Variants in POU2F2 observed in about 807,000 individuals in gnomAD.
POU2F2 encodes POU class 2 homeobox 2.
POU2F2 carries 14 observed loss-of-function variants against 63.5 expected under a neutral mutation model. The observed-to-expected ratio is 0.22, with a 90% CI of 0.15 to 0.34. POU2F2 has a LOEUF of 0.34. POU2F2 is among the 10% of genes least tolerant of loss of function. The pLI, the probability that POU2F2 is intolerant of heterozygous loss-of-function variation, is 1.00. For synonymous variants in POU2F2, 306 were observed against 348.6 expected, an observed-to-expected ratio of 0.88 and a Z score of 1.36; for missense variants, 607 against 815.2, an observed-to-expected ratio of 0.74 and a Z score of 3.11.
At chr19:42,123,396 C>T (rs1421883520) in intron 1 of POU2F2, among the ~76,000 whole-genome samples, 1 of 152,176 alleles carries the variant, frequency 6.6e-6, no homozygotes, top group Non-Finnish European at 1.5e-5. Flanking sequence ...GCAGCAAGCA[C>T]ATAAACCCAC....
chr19:42,161,352 C>T (rs542022442), intron 1 of POU2F2, among the ~76,000 whole-genome samples: 2 of 152,190 alleles, frequency 1.3e-5, no homozygotes, highest in East Asian at 1.9e-4. Flanking sequence ...GCCAGGGCTT[C>T]GTCAGAGAGG....
At chr19:42,109,166 G>A (rs749828305) in intron 5 of POU2F2, among the ~76,000 whole-genome samples, 2 of 152,212 alleles carry the variant, frequency 1.3e-5, no homozygotes, top group African/African-American at 2.4e-5. Context: ...GTGAACTTGA[G>A]GAGTTCACTG....
chr19:42,112,318 G>A (rs975373628), intron 5 of POU2F2, among the ~76,000 whole-genome samples: 2 of 152,206 alleles, frequency 1.3e-5, no homozygotes, highest in African/African-American at 4.8e-5. Flanking sequence ...GGCTGACCTT[G>A]CCTTCTCTGG....
chr19:42,109,302 G>A (rs948552031), intron 5 of POU2F2, among the ~76,000 whole-genome samples: 4 of 152,158 alleles, frequency 2.6e-5, no homozygotes, highest in Non-Finnish European at 5.9e-5. Flanking sequence ...CACAATCTCT[G>A]GCAGCCACCA....
chr19:42,114,582 GC>G (rs1478095562), intron 5 of POU2F2, among the ~76,000 whole-genome samples: 1 of 152,204 alleles, frequency 6.6e-6, no homozygotes, highest in African/African-American at 2.4e-5. Context: ...GTCTCTGGTG[GC>G]CGGGGTGGGA....
At chr19:42,098,412 CAA>C (rs1218709430) in intron 7 of POU2F2, among the ~76,000 whole-genome samples, 5 of 56,330 alleles carry the variant, frequency 8.9e-5, no homozygotes, top group Admixed American at 2.0e-4. Flanking sequence ...GACTCCATCT[CAA>C]AAAAAAAAAA....
At chr19:42,166,376 G>A (rs1167152315) in intron 1 of POU2F2, among the ~76,000 whole-genome samples, 1 of 151,942 alleles carries the variant, frequency 6.6e-6, no homozygotes, top group Non-Finnish European at 1.5e-5. Flanking sequence ...AAAGCACCTT[G>A]CACAATGCCT....
At position 42,092,281 on chromosome 19, in the gene POU2F2, GAGAC is replaced by G; in HGVS notation, c.1265-15_1265-12del. 6.5e-7 allele frequency: 1 copy of G among 1,538,972 alleles called. No homozygotes were observed. The highest frequency in any genetic ancestry group is 1.4e-5 in the African/African-American group (1 of 73,056). On this transcript the variant is annotated splice_polypyrimidine_tract_variant and intron_variant, in intron 12 of 14. Transcript: ENST00000692977. The surrounding 1 kb of genome is among the most constrained non-coding windows in gnomAD (Gnocchi z 5.0). ...AGGATAAGGTAGTAACTGCCAGAGA[GAGAC>G]AGAAAGATGGGGTCTTCAGCTTCCA...
intron 5 of POU2F2, among the ~76,000 whole-genome samples, chr19:42,107,000 T>C (rs2030189369): frequency 2.0e-5 from 3 of 151,710 alleles, no homozygotes; most frequent in African/African-American, 7.3e-5. Context: ...CACTGCAGCC[T>C]AGGCAACAAA....
chr19:42,134,102 G>A (rs2033933648), upstream of POU2F2, among the ~76,000 whole-genome samples: 1 of 152,090 alleles, frequency 6.6e-6, no homozygotes, highest in South Asian at 2.1e-4. Context: ...CCCGACAGCA[G>A]CCTGGTAGCA....
At position 42,095,346 on chromosome 19, in the gene POU2F2, G is replaced by C; in HGVS notation, c.1137C>G (p.Pro379=). 1 of 1,613,984 alleles carries C rather than the reference G, an allele frequency of 6.2e-7. No homozygotes were observed. The highest frequency in any genetic ancestry group is 1.7e-5 in the Admixed American group (1 of 60,016). ...NRRQKEKRIN[P]CSAAPMLPSP... ...TGGGCAGCATGGGGGCCGCACTGCA[G>C]GGGTTGATGCGTTTCTCCTTCTGGC... Residue 379 remains proline (P), a synonymous_variant, in exon 11 of 15, where the codon CCC becomes CCG. Coordinates refer to ENST00000692977, the MANE Select transcript of POU2F2 (RefSeq NM_001394376.1). The surrounding 1 kb of genome is among the most constrained non-coding windows in gnomAD (Gnocchi z 7.1).
chr19:42,144,597 G>A (rs1032669963), intron 2 of POU2F2, among the ~76,000 whole-genome samples: 8 of 152,238 alleles, frequency 5.3e-5, no homozygotes, highest in East Asian at 1.9e-4. Context: ...CTCAAGCCTC[G>A]ATGCTCCAGG....
At chr19:42,187,309 C>CA (rs1206399787) in intron 1 of POU2F2, among the ~76,000 whole-genome samples, 1 of 151,798 alleles carries the variant, frequency 6.6e-6, no homozygotes, top group Admixed American at 6.6e-5. Context: ...ACTAAAAATA[C>CA]AAAAAATTAG....
At chr19:42,121,096 C>G (rs1238337780) in intron 4 of POU2F2, among the ~76,000 whole-genome samples, 1 of 152,154 alleles carries the variant, frequency 6.6e-6, no homozygotes, top group Non-Finnish European at 1.5e-5. Flanking sequence ...AAGAAGGAAG[C>G]CTGCTGCCAG....
At chr19:42,097,970 TTTG>T (rs747848334) in intron 7 of POU2F2, among the ~76,000 whole-genome samples, 2 of 152,170 alleles carry the variant, frequency 1.3e-5, no homozygotes, top group East Asian at 1.9e-4. Flanking sequence ...CCTCTCAGGT[TTTG>T]TTGTTGTTGT....
intron 1 of POU2F2, among the ~76,000 whole-genome samples, chr19:42,182,242 A>AAGAGAGAG (rs55947953): frequency 0.056 from 7,030 of 125,816 alleles, 351 homozygotes; most frequent in South Asian, 0.098. Context: ...TCTGTCTCAA[A>AAGAGAGAG]AGAGAGAGAG....
At chr19:42,122,297 C>T in intron 3 of POU2F2, 47 bp downstream of exon 3, 1 of 1,556,118 alleles carries the variant, frequency 6.4e-7, no homozygotes, top group Middle Eastern at 1.7e-4. Context: ...CTGAACCCCT[C>T]TCCCCATTCC....
chr19:42,114,052 C>A (rs1479057992), intron 5 of POU2F2, among the ~76,000 whole-genome samples: 1 of 152,120 alleles, frequency 6.6e-6, no homozygotes, highest in African/African-American at 2.4e-5. Context: ...AAGATCAGAG[C>A]TGAGGGAAGC....
chr19:42,170,355 C>T (rs1210077437), intron 1 of POU2F2, among the ~76,000 whole-genome samples: 7 of 151,022 alleles, frequency 4.6e-5, no homozygotes, highest in Admixed American at 4.6e-4. Context: ...CATGGGCCAC[C>T]AGATACATGG....
Sources: gnomAD v4.1 joint callset for allele counts (sites outside exome capture counted in the v4.1 genomes callset) on GRCh38, gnomAD v4.1.1 for gene constraint, Gnocchi (gnomAD v3.1) non-coding constraint, MANE v1.5 for transcripts, NCBI Gene and HGNC (gene_info 2026-07-23, HGNC 2026-07-21) for gene names.